Variants in TMEM106B observed in about 807,000 individuals in gnomAD.
TMEM106B encodes transmembrane protein 106B.
TMEM106B carries 15 observed loss-of-function variants against 31.1 expected under a neutral mutation model. The ratio of observed to expected loss-of-function variants is 0.48; its 90% CI spans 0.32 to 0.74. The LOEUF is 0.74. Among genes scored for constraint, TMEM106B ranks in the 30% least tolerant of loss-of-function variants. TMEM106B has a pLI of 0.03. For synonymous variants in TMEM106B, 126 were observed against 112.5 expected (o/e 1.12, Z -0.76); for missense variants, 283 against 327.3 (o/e 0.86, Z 1.04).
In TMEM106B at chr7:12,242,616, T is replaced by C. The variant is rs1782254043; in HGVS notation, c.*10641T>C. The C allele has an allele frequency of 6.6e-6, 1 of 152,130 alleles. No homozygotes were observed. The allele number at this position is 152,130 out of a possible 1,614,324, so 9.4% of individuals were successfully genotyped here. A position where few individuals can be genotyped will look rare whatever the true frequency, so the allele number is the denominator to read the frequency against. Reference sequence around the variant, plus strand: ...ATGCATCTGATATTATCTAATTGTGTCCTTACTGGGTAACTTGTGTATTTT... The same window carrying C: ...ATGCATCTGATATTATCTAATTGTGCCCTTACTGGGTAACTTGTGTATTTT... On this transcript the variant is annotated 3_prime_UTR_variant, in exon 8 of 8. Coordinates refer to ENST00000396668, the MANE Select transcript of TMEM106B (RefSeq NM_001134232.2).
Position 12,239,587 on chromosome 7 carries a change from T to A in TMEM106B, c.*7612T>A, listed in dbSNP as rs1782204682. The A allele has an allele frequency of 6.6e-6, 1 of 152,136 alleles. No individual in the cohort carries two copies. Among genetic ancestry groups the A allele is most frequent in the Non-Finnish European group, 1.5e-5 (1 of 68,022 alleles). The allele number at this position is 152,136 out of a possible 1,614,324, so 9.4% of individuals were successfully genotyped here. A position where few individuals can be genotyped will look rare whatever the true frequency, so the allele number is the denominator to read the frequency against. ...ATTACTAGGTGTAATTATTTCTAGC[T>A]TTTGATTGAAAGTGAGAGATATGTG... On this transcript the variant is annotated 3_prime_UTR_variant, in exon 8 of 8. Transcript: ENST00000396668.
intron 7 of TMEM106B, 74 bp from the exon 8 acceptor site, chr7:12,231,763 G>T: frequency 8.2e-7 from 1 of 1,218,440 alleles, no homozygotes; most frequent in South Asian, 1.6e-5. Flanking sequence ...ATTTTTATGT[G>T]TTAAAGTAGT....
chr7:12,219,830 C>A (rs1268038908), intron 3 of TMEM106B, among the ~76,000 whole-genome samples: 1 of 152,144 alleles, frequency 6.6e-6, no homozygotes, highest in Non-Finnish European at 1.5e-5. Flanking sequence ...CTAAAAGTCA[C>A]ATAAAGAAAA....
chr7:12,214,713 T>C (rs958851651), intron 1 of TMEM106B, 96 bp from the exon 2 acceptor site: 3 of 1,069,646 alleles, frequency 2.8e-6, no homozygotes, highest in Middle Eastern at 3.2e-4. Flanking sequence ...TGACTGTTCC[T>C]TGACTGTTCT....
intron 2 of TMEM106B, 70 bp downstream of exon 2, chr7:12,215,097 G>T: frequency 7.2e-7 from 1 of 1,381,550 alleles, no homozygotes; most frequent in Admixed American, 2.1e-5. Context: ...AAAAACTGTG[G>T]GTCTCAGGAA....
rs1483649237 is a variant in TMEM106B, at chr7:12,240,265, T to G, written c.*8290T>G. On this transcript the variant is annotated 3_prime_UTR_variant, in exon 8 of 8. Transcript: ENST00000396668. ...TTTGCCCATGTTTTTTATCCCCCAA[T>G]TCTATCTTTTTCAATGCCCACTTCG... 1 of 152,170 alleles carries G rather than the reference T, an allele frequency of 6.6e-6. No individual in the cohort carries two copies. The highest frequency in any genetic ancestry group is 1.5e-5 in the Non-Finnish European group (1 of 68,022). The allele number at this position is 152,170 out of a possible 1,614,324, so 9.4% of individuals were successfully genotyped here.
Position 12,237,759 on chromosome 7 carries a change from C to G in TMEM106B, c.*5784C>G. 1 of 150,520 alleles carries G rather than the reference C, an allele frequency of 6.6e-6. No individual in the cohort carries two copies. Among genetic ancestry groups the G allele is most frequent in the Non-Finnish European group, 1.5e-5 (1 of 68,004 alleles). 9.3% of individuals were successfully genotyped at this position (150,520 alleles called of 1,614,324 possible). On this transcript the variant is annotated 3_prime_UTR_variant, in exon 8 of 8. Coordinates refer to ENST00000396668, the MANE Select transcript of TMEM106B (RefSeq NM_001134232.2). ...GCCAAGGTGGGAGGATCACCTGAGC[C>G]CAGAAGTTCAAGACCAAATTGGTCA...
In TMEM106B at chr7:12,237,812, TACATACAC is replaced by T. The variant is rs1554311710; in HGVS notation, c.*5841_*5848del. On this transcript the variant is annotated 3_prime_UTR_variant, in exon 8 of 8. Transcript: ENST00000396668. ...ATGGCGAGACCCCATATAAAATATATACATACACACACACACACACACACACACACACA... is the reference window on the plus strand; with the variant it reads ...ATGGCGAGACCCCATATAAAATATATACACACACACACACACACACACACA... The T allele has an allele frequency of 1.0e-5, 1 of 97,748 alleles. No homozygotes were observed. The highest frequency in any genetic ancestry group is 4.6e-5 in the African/African-American group (1 of 21,596). 6.1% of individuals were successfully genotyped at this position (97,748 alleles called of 1,614,324 possible).
intron 7 of TMEM106B, 187 bp downstream of exon 7, chr7:12,231,302 AGACTACGT>A: frequency 2.0e-6 from 1 of 501,828 alleles, no homozygotes; most frequent in Non-Finnish European, 3.5e-6. Context: ...AAGTAGTGAA[AGACTACGT>A]GACTGCTAAG....
chr7:12,212,161 T>G (rs1781592478), intron 1 of TMEM106B, among the ~76,000 whole-genome samples: 1 of 152,172 alleles, frequency 6.6e-6, no homozygotes, highest in African/African-American at 2.4e-5. Context: ...GCTATTAGAT[T>G]AGGACAGAAA....
intron 3 of TMEM106B, 76 bp downstream of exon 3, chr7:12,218,597 A>G: frequency 8.7e-7 from 1 of 1,145,838 alleles, no homozygotes; most frequent in South Asian, 1.5e-5. Flanking sequence ...TATGTATAAT[A>G]ACTAGTTAAA....
rs1016816414 is a variant in TMEM106B, at chr7:12,232,623, T to C, written c.*648T>C. ...TAAAATTTTGAAAGCCCCTAATGTTTTCACACATCTTTCTGTATTAGTTAT... is the reference window on the plus strand; with the variant it reads ...TAAAATTTTGAAAGCCCCTAATGTTCTCACACATCTTTCTGTATTAGTTAT... On this transcript the variant is annotated 3_prime_UTR_variant, in exon 8 of 8. Transcript: ENST00000396668. The C allele has an allele frequency of 6.6e-6, 1 of 152,372 alleles. No homozygotes were observed. The highest frequency in any genetic ancestry group is 2.4e-5 in the African/African-American group (1 of 41,442). 9.4% of individuals were successfully genotyped at this position (152,372 alleles called of 1,614,324 possible). A position where few individuals can be genotyped will look rare whatever the true frequency, so the allele number is the denominator to read the frequency against.
At position 12,236,869 on chromosome 7, in the gene TMEM106B, A is replaced by G. The variant is rs924218012; in HGVS notation, c.*4894A>G. ...TTATATTTTTCTTTAGAACTAAACT[A>G]TAACAGATTTTGGAAAATGATTTGA... is the stretch of plus-strand genomic sequence containing the variant. On this transcript the variant is annotated 3_prime_UTR_variant, in exon 8 of 8. Coordinates refer to ENST00000396668, the MANE Select transcript of TMEM106B (RefSeq NM_001134232.2). 3 of 152,118 alleles carry G rather than the reference A, an allele frequency of 2.0e-5. No homozygotes were observed. Among genetic ancestry groups the G allele is most frequent in the Non-Finnish European group, 4.4e-5 (3 of 67,960 alleles). 9.4% of individuals were successfully genotyped at this position (152,118 alleles called of 1,614,324 possible).
rs1782192940 is a variant in TMEM106B, at chr7:12,238,979, A to G, written c.*7004A>G. 1 of 152,166 alleles carries G rather than the reference A, an allele frequency of 6.6e-6. No individual in the cohort carries two copies. The highest frequency in any genetic ancestry group is 2.1e-4 in the South Asian group (1 of 4,828). The allele number at this position is 152,166 out of a possible 1,614,324, so 9.4% of individuals were successfully genotyped here. On this transcript the variant is annotated 3_prime_UTR_variant, in exon 8 of 8. Coordinates refer to ENST00000396668, the MANE Select transcript of TMEM106B (RefSeq NM_001134232.2). ...CTAAAGAGAGTCAGCCTGTCCTTTA[A>G]AGCTTTAAAGGCAAGCATTGACTTC...
intron 1 of TMEM106B, among the ~76,000 whole-genome samples, chr7:12,211,712 T>C (rs1403467597): frequency 6.6e-6 from 1 of 152,252 alleles, no homozygotes; most frequent in Non-Finnish European, 1.5e-5. Context: ...ATGAATGTTC[T>C]TGCCGTGGTG....
intron 3 of TMEM106B, among the ~76,000 whole-genome samples, chr7:12,223,776 G>A (rs905403450): frequency 6.1e-5 from 9 of 148,726 alleles, no homozygotes; most frequent in Admixed American, 5.4e-4. Context: ...GCAGGAGTGC[G>A]GTGGTGCGAT....
In TMEM106B at chr7:12,236,824, C is replaced by T. The variant is rs1318590277; in HGVS notation, c.*4849C>T. ...TTTTAGGCATAAATTATTAACAAGC[C>T]ATGCCTTATGTGTTTCATCTTATAT... On this transcript the variant is annotated 3_prime_UTR_variant, in exon 8 of 8. Coordinates refer to ENST00000396668, the MANE Select transcript of TMEM106B (RefSeq NM_001134232.2). 1 of 151,964 alleles carries T rather than the reference C, an allele frequency of 6.6e-6. No individual in the cohort carries two copies. The highest frequency in any genetic ancestry group is 1.5e-5 in the Non-Finnish European group (1 of 67,910). 9.4% of individuals were successfully genotyped at this position (151,964 alleles called of 1,614,324 possible). A position where few individuals can be genotyped will look rare whatever the true frequency, so the allele number is the denominator to read the frequency against.
At chr7:12,230,512 T>C in intron 6 of TMEM106B, 74 bp downstream of exon 6, 5 of 1,040,198 alleles carry the variant, frequency 4.8e-6, no homozygotes, top group Non-Finnish European at 7.1e-6. Context: ...AGAGTATACA[T>C]ATTTTTTAAT....
At chr7:12,212,515 A>G (rs547429328) in intron 1 of TMEM106B, among the ~76,000 whole-genome samples, 242 of 151,434 alleles carry the variant, frequency 1.6e-3, no homozygotes, top group Non-Finnish European at 2.8e-3. Flanking sequence ...TGAAAGAGTG[A>G]AAATCTCATT....
Sources: gnomAD v4.1 joint callset for allele counts (sites outside exome capture counted in the v4.1 genomes callset) on GRCh38, gnomAD v4.1.1 for gene constraint, MANE v1.5 for transcripts, NCBI Gene and HGNC (gene_info 2026-07-23, HGNC 2026-07-21) for gene names.